The following TUSC3 variants were observed in gnomAD, a reference collection of about 807,000 sequenced individuals.
TUSC3 encodes dolichyl-diphosphooligosaccharide--protein glycosyltransferase subunit TUSC3.
TUSC3 carries 45 observed loss-of-function variants against 44.8 expected under a neutral mutation model. The observed-to-expected ratio is 1.00, with a 90% CI of 0.79 to 1.29. TUSC3 has a LOEUF of 1.29. TUSC3 is among the 50% of genes most tolerant of loss of function. The pLI, the probability that TUSC3 is intolerant of heterozygous loss-of-function variation, is 0.00. For synonymous variants in TUSC3, 212 were observed against 152.9 expected, an observed-to-expected ratio of 1.39 and a Z score of -2.85; for missense variants, 519 against 437.9, an observed-to-expected ratio of 1.19 and a Z score of -1.65.
intron 6 of TUSC3, among the ~76,000 whole-genome samples, chr8:15,714,397 G>A (rs1010504116): frequency 3.3e-5 from 5 of 151,998 alleles, no homozygotes; most frequent in African/African-American, 9.7e-5. Context: ...ACATCTCATC[G>A]CTATTTCCAG....
At chr8:15,451,006 G>A (rs1460710122) in intron 1 of TUSC3, among the ~76,000 whole-genome samples, 3 of 152,094 alleles carry the variant, frequency 2.0e-5, no homozygotes, top group African/African-American at 7.2e-5. Context: ...CCTGAGAACT[G>A]CAGCTTCCAG....
intron 1 of TUSC3, among the ~76,000 whole-genome samples, chr8:15,453,982 A>T (rs781450095): frequency 7.9e-5 from 12 of 152,142 alleles, no homozygotes; most frequent in Admixed American, 2.6e-4. Flanking sequence ...AATGGCAGAG[A>T]TTAACTGGTA....
intron 6 of TUSC3, among the ~76,000 whole-genome samples, chr8:15,692,375 G>GTTTTTTTTTT (rs59838929): frequency 1.2e-4 from 8 of 68,338 alleles, no homozygotes; most frequent in Non-Finnish European, 1.5e-4. Context: ...CCCCCCCTTT[G>GTTTTTTTTTT]TTTTTTTTTT....
chr8:15,717,173 T>C (rs945783588), intron 6 of TUSC3, among the ~76,000 whole-genome samples: 1 of 152,146 alleles, frequency 6.6e-6, no homozygotes, highest in Non-Finnish European at 1.5e-5. Context: ...AGTATTGGAA[T>C]AGTTTAATAG....
intron 7 of TUSC3, among the ~76,000 whole-genome samples, chr8:15,743,054 G>T (rs17121887): frequency 0.17 from 25,362 of 152,136 alleles, 2,147 homozygotes; most frequent in South Asian, 0.23. Context: ...ATTGTTAATT[G>T]TATAACCCCA....
chr8:15,646,171 AAG>A (rs1806621078), intron 2 of TUSC3, among the ~76,000 whole-genome samples: 1 of 152,106 alleles, frequency 6.6e-6, no homozygotes, highest in Admixed American at 6.5e-5. Flanking sequence ...TGACTTCCTA[AAG>A]AGAGGCAGTT....
At chr8:15,655,860 A>G (rs1022655264) in intron 3 of TUSC3, among the ~76,000 whole-genome samples, 1 of 152,150 alleles carries the variant, frequency 6.6e-6, no homozygotes, top group Non-Finnish European at 1.5e-5. Flanking sequence ...TTCTTCCCCA[A>G]ACCACCTTAT....
chr8:15,637,132 C>T (rs933983026), intron 2 of TUSC3, among the ~76,000 whole-genome samples: 4 of 152,086 alleles, frequency 2.6e-5, no homozygotes, highest in South Asian at 2.1e-4. Flanking sequence ...GTTATTATAT[C>T]GTAGTTTAAA....
At chr8:15,640,813 C>T (rs1806331842) in intron 2 of TUSC3, among the ~76,000 whole-genome samples, 1 of 152,080 alleles carries the variant, frequency 6.6e-6, no homozygotes, top group Non-Finnish European at 1.5e-5. Flanking sequence ...CTCTCATTAT[C>T]TCAGAGTCTA....
At chr8:15,774,589 A>G in the TUSC3 span, among the ~76,000 whole-genome samples, 1 of 152,138 alleles carries the variant, frequency 6.6e-6, no homozygotes, top group Non-Finnish European at 1.5e-5. Flanking sequence ...GAACATTAAG[A>G]TCGTAAATTT....
the TUSC3 span, among the ~76,000 whole-genome samples, chr8:15,793,637 A>G: frequency 2.0e-5 from 3 of 152,170 alleles, no homozygotes; most frequent in Admixed American, 6.5e-5. Context: ...ATTTATTTAC[A>G]TAATGTATAG....
At chr8:15,602,750 A>G (rs966061874) in intron 1 of TUSC3, among the ~76,000 whole-genome samples, 27 of 150,928 alleles carry the variant, frequency 1.8e-4, no homozygotes, top group African/African-American at 6.3e-4. Context: ...TATGGGTTGT[A>G]TGGAACCTAA....
At chr8:15,768,372 T>C (rs574425026), downstream of TUSC3, among the ~76,000 whole-genome samples, 8 of 152,226 alleles carry the variant, frequency 5.3e-5, no homozygotes, top group South Asian at 1.5e-3. Flanking sequence ...CACATTATAA[T>C]GTTCAGGCTA....
intron 1 of TUSC3, among the ~76,000 whole-genome samples, chr8:15,618,275 C>A (rs1481350119): frequency 1.3e-5 from 2 of 152,176 alleles, no homozygotes; most frequent in Non-Finnish European, 2.9e-5. Flanking sequence ...CTTTACCCTA[C>A]TAGAACTTTT....
intron 4 of TUSC3, among the ~76,000 whole-genome samples, chr8:15,660,187 A>G (rs1281951749): frequency 1.3e-5 from 2 of 152,084 alleles, no homozygotes; most frequent in Non-Finnish European, 2.9e-5. Context: ...ATCCATAGAA[A>G]TTTTGAAAAT....
At chr8:15,466,760 T>C (rs1180086417) in intron 1 of TUSC3, among the ~76,000 whole-genome samples, 2 of 152,152 alleles carry the variant, frequency 1.3e-5, no homozygotes, top group Non-Finnish European at 2.9e-5. Flanking sequence ...TCAAGTCATC[T>C]TAGTATAATT....
intron 9 of TUSC3, 72 bp from the exon 10 acceptor site, chr8:15,757,719 G>C (rs995546628): frequency 1.3e-5 from 19 of 1,467,638 alleles, no homozygotes; most frequent in Non-Finnish European, 1.8e-5. Flanking sequence ...TAATAATATT[G>C]TACAAATGGA....
chr8:15,724,710 A>G (rs566859841), intron 6 of TUSC3, among the ~76,000 whole-genome samples: 42 of 152,268 alleles, frequency 2.8e-4, no homozygotes, highest in African/African-American at 9.9e-4. Flanking sequence ...GTAGTGAATA[A>G]AGGACTGAAA....
At chr8:15,432,698 A>G (rs949696873) in intron 1 of TUSC3, among the ~76,000 whole-genome samples, 28 of 152,220 alleles carry the variant, frequency 1.8e-4, no homozygotes, top group African/African-American at 6.5e-4. Flanking sequence ...TTTAATGAGT[A>G]TGCACCTCCG....
Sources: allele counts gnomAD v4.1 joint callset (sites outside exome capture counted in the v4.1 genomes callset), GRCh38; gene constraint gnomAD v4.1.1; transcripts MANE v1.5; gene names NCBI Gene and HGNC (gene_info 2026-07-23, HGNC 2026-07-21).